FAM184B: variants seen among roughly 807,000 people sequenced by gnomAD.
FAM184B encodes protein FAM184B.
In FAM184B, 111 loss-of-function variants were observed where a neutral mutation model predicts 135.9. The observed-to-expected ratio is 0.82, with a 90% CI of 0.70 to 0.96. The LOEUF (loss-of-function observed/expected upper bound fraction) is 0.96, where lower values mean the gene tolerates loss of function less well. Among genes scored for constraint, FAM184B ranks in the 40% least tolerant of loss-of-function variants. The pLI, the probability that FAM184B is intolerant of heterozygous loss-of-function variation, is 0.00. For synonymous variants in FAM184B, 552 were observed against 524.8 expected (o/e 1.05, Z -0.71); for missense variants, 1,375 against 1,323.9 (o/e 1.04, Z -0.60).
At chr4:17,684,180 ATTATATATAAAATAG>A (rs1056318131) in intron 7 of FAM184B, among the ~76,000 whole-genome samples, 44 of 144,684 alleles carry the variant, frequency 3.0e-4, no homozygotes, top group Non-Finnish European at 4.8e-4. Flanking sequence ...AAATAAAATA[ATTATATATAAAATAG>A]TTATATAAAA....
chr4:17,706,939 C>G (rs1005873530), intron 3 of FAM184B, among the ~76,000 whole-genome samples: 1 of 152,062 alleles, frequency 6.6e-6, no homozygotes, highest in African/African-American at 2.4e-5. Context: ...GCACCCCTCA[C>G]TGTGCTTGGC....
At position 17,690,856 on chromosome 4, in the gene FAM184B, G is replaced by C. The variant is rs139182576; in HGVS notation, c.1489-2325C>G. Among the ~76,000 whole-genome samples the C allele has an allele frequency of 7.1e-3, 1,085 of 152,224 alleles. 13 individuals are homozygous for C. Among genetic ancestry groups the C allele is most frequent in the African/African-American group, 0.025 (1,041 of 41,530 alleles). ...GACCCACAGGACTTGACAAGGATCG[G>C]GTGTGATGATAGGGCAGGATTGTGA... On this transcript the variant is annotated intron_variant, in intron 6 of 17. Transcript: ENST00000265018.
intron 1 of FAM184B, among the ~76,000 whole-genome samples, chr4:17,732,041 C>G (rs1717794063): frequency 6.6e-6 from 1 of 152,196 alleles, no homozygotes; most frequent in African/African-American, 2.4e-5. Flanking sequence ...TCACTCAAAA[C>G]TGCTCAACTA....
At chr4:17,641,643 CTTTTTTTTTTTTTT>C (rs34886078) in intron 13 of FAM184B, among the ~76,000 whole-genome samples, 333 of 24,392 alleles carry the variant, frequency 0.014, 12 homozygotes, top group African/African-American at 0.048. Context: ...CACGCCCGGC[CTTTTTTTTTTTTTT>C]TTTTTTTTTT....
At chr4:17,715,476 AAAAAAC>A (rs1481823670) in intron 1 of FAM184B, among the ~76,000 whole-genome samples, 64 of 152,184 alleles carry the variant, frequency 4.2e-4, no homozygotes, top group African/African-American at 1.4e-3. Flanking sequence ...ACTCTATCTC[AAAAAAC>A]AAAAACAAAA....
intron 6 of FAM184B, among the ~76,000 whole-genome samples, chr4:17,691,904 T>C (rs1414632670): frequency 6.6e-6 from 1 of 151,424 alleles, no homozygotes; most frequent in African/African-American, 2.4e-5. Context: ...AATACAAAAA[T>C]TAGCCAGGCG....
chr4:17,759,211 G>C (rs2108991754), intron 1 of FAM184B, among the ~76,000 whole-genome samples: 1 of 152,264 alleles, frequency 6.6e-6, no homozygotes, highest in East Asian at 1.9e-4. Context: ...CACTGAAATT[G>C]CATGTCGAAT....
chr4:17,670,886 A>G (rs1039187248), intron 7 of FAM184B, among the ~76,000 whole-genome samples: 3 of 152,138 alleles, frequency 2.0e-5, no homozygotes, highest in Non-Finnish European at 4.4e-5. Context: ...CCTGATTGTC[A>G]CCTACCAGCA....
intron 7 of FAM184B, among the ~76,000 whole-genome samples, chr4:17,666,469 C>CTTGTTTTTTT (rs1716051109): frequency 1.7e-5 from 1 of 57,160 alleles, no homozygotes; most frequent in Non-Finnish European, 2.9e-5. Flanking sequence ...GTGCCTGGTT[C>CTTGTTTTTTT]TTTTTTTTTT....
Position 17,668,673 on chromosome 4 carries a change from C to T in FAM184B, c.1597-4014G>A, listed in dbSNP as rs536563880. Among the ~76,000 whole-genome samples, 3 of 152,326 alleles carry T rather than the reference C, an allele frequency of 2.0e-5. No individual in the cohort carries two copies. In the South Asian group the frequency reaches 6.2e-4, roughly 32 times the overall value. On this transcript the variant is annotated intron_variant, in intron 7 of 17. Coordinates refer to ENST00000265018, the MANE Select transcript of FAM184B (RefSeq NM_015688.2). ...TCAGCCTCCCAAGTAGCTGGGACTA[C>T]AGGCGTGTGACAACACGCCCGGCTA... is the stretch of plus-strand genomic sequence containing the variant.
At chr4:17,728,192 T>G (rs947158862) in intron 1 of FAM184B, among the ~76,000 whole-genome samples, 10 of 152,114 alleles carry the variant, frequency 6.6e-5, no homozygotes, top group Non-Finnish European at 1.5e-4. Flanking sequence ...ATGATGAGGA[T>G]GAAGATGAGG....
chr4:17,765,328 TC>T (rs962151864), intron 1 of FAM184B, among the ~76,000 whole-genome samples: 24 of 152,114 alleles, frequency 1.6e-4, no homozygotes, highest in African/African-American at 5.8e-4. Flanking sequence ...AAAGGTGAAT[TC>T]CGCTCACAGG....
At chr4:17,765,933 G>C (rs1241829671) in intron 1 of FAM184B, among the ~76,000 whole-genome samples, 3 of 152,124 alleles carry the variant, frequency 2.0e-5, no homozygotes, top group Admixed American at 6.5e-5. Flanking sequence ...TCTTAAAGCA[G>C]CACATCTAGA....
chr4:17,647,328 C>A (rs1353732190), intron 12 of FAM184B, among the ~76,000 whole-genome samples: 1 of 150,858 alleles, frequency 6.6e-6, no homozygotes, highest in Non-Finnish European at 1.5e-5. Context: ...TCATAGCTCA[C>A]CACAGCCTGG....
chr4:17,781,546 T>A lies in FAM184B; in HGVS notation c.-247A>T. On this transcript the variant is annotated 5_prime_UTR_variant, in exon 1 of 18. Transcript: ENST00000265018. The surrounding 1 kb of genome is among the most constrained non-coding windows in gnomAD (Gnocchi z 6.5). ...GCTGGCTCCGCGGGCACCCGCACCC[T>A]GCGGCGAGGCGTCGGCGCCCCGCAC... 4.7e-6 allele frequency: 2 copies of A among 428,114 alleles called. No homozygotes were observed. The highest frequency in any genetic ancestry group is 8.2e-6 in the Non-Finnish European group (2 of 245,076). 26.5% of individuals were successfully genotyped at this position (428,114 alleles called of 1,614,324 possible). A position where few individuals can be genotyped will look rare whatever the true frequency, so the allele number is the denominator to read the frequency against.
rs1364487061 is a variant in FAM184B at position 17,662,708 on chromosome 4, G to A, written c.1694+1854C>T. Among the ~76,000 whole-genome samples, 3 of 152,192 alleles carry A rather than the reference G, an allele frequency of 2.0e-5. No homozygotes were observed. In the East Asian group the frequency reaches 5.8e-4, roughly 29 times the overall value. On this transcript the variant is annotated intron_variant, in intron 8 of 17. Transcript: ENST00000265018. ...GGTAGGTATGTGCTTAATGTTTCAA[G>A]AAACAATCAAATAGTTTTCTAAAGT...
chr4:17,642,082 C>T lies in FAM184B; in HGVS notation c.2493G>A (p.Glu831=), dbSNP rs1290949074. 5.2e-6 allele frequency: 8 copies of T among 1,532,010 alleles called. No homozygotes were observed. The Admixed American group carries it at 7.9e-5, about 15-fold the overall frequency. 94.9% of individuals were successfully genotyped at this position (1,532,010 alleles called of 1,614,324 possible). A position where few individuals can be genotyped will look rare whatever the true frequency, so the allele number is the denominator to read the frequency against. ...LRAEVEQHQQ[E]AQKLRDQRRF... ...TGCGCTGGTCTCGGAGCTTCTGCGC[C>T]TCCTGCTGATGCTGCTCCACCTCCG... The change falls in exon 13 of 18, where the codon GAG becomes GAA. Residue 831 remains glutamate (E), a synonymous_variant. Coordinates refer to ENST00000265018, the MANE Select transcript of FAM184B (RefSeq NM_015688.2).
chr4:17,639,459 G>A, intron 13 of FAM184B, 63 bp from the exon 14 acceptor site: 1 of 1,532,920 alleles, frequency 6.5e-7, no homozygotes, highest in Non-Finnish European at 8.8e-7. Flanking sequence ...CTTGGGCTCT[G>A]GGGTTTATTT....
In FAM184B at chr4:17,639,405, G is replaced by A. The variant is rs1254949077; in HGVS notation, c.2520-9C>T. The A allele has an allele frequency of 3.9e-6, 6 of 1,551,320 alleles. No homozygotes were observed. The South Asian group carries it at 7.1e-5, about 18-fold the overall frequency. Reference sequence around the variant, plus strand: ...GAGTCTCCTCCAGGAACCTGTGGTGGATGAAAGCACAGCCAGGCTTGCCCA... The same window carrying A: ...GAGTCTCCTCCAGGAACCTGTGGTGAATGAAAGCACAGCCAGGCTTGCCCA... On this transcript the variant is annotated splice_polypyrimidine_tract_variant and intron_variant, in intron 13 of 17. Coordinates refer to ENST00000265018, the MANE Select transcript of FAM184B (RefSeq NM_015688.2).
Sources: gnomAD v4.1 joint callset for allele counts (sites outside exome capture counted in the v4.1 genomes callset) on GRCh38, gnomAD v4.1.1 for gene constraint, Gnocchi (gnomAD v3.1) non-coding constraint, MANE v1.5 for transcripts, NCBI Gene and HGNC (gene_info 2026-07-23, HGNC 2026-07-21) for gene names.